VNN2: variants seen among roughly 807,000 people sequenced by gnomAD.
The protein encoded by VNN2 is vanin 2.
Under a neutral mutation model 43.0 loss-of-function variants are expected in VNN2, and 43 were observed. That is an observed-to-expected ratio of 1.00 (90% CI 0.78 to 1.29). The LOEUF (loss-of-function observed/expected upper bound fraction) is 1.29. VNN2 is among the 50% of genes most tolerant of loss of function. The pLI is 0.00. For missense variants in VNN2, 652 were observed against 619.7 expected (o/e 1.05, Z -0.55); for synonymous variants, 230 against 224.3 (o/e 1.03, Z -0.23).
Position 132,757,869 on chromosome 6 carries a change from A to G in VNN2, c.15T>C (p.Ser5=). ...CAAAAACTGCCACAGAGATTGGAAA[A>G]GAGGAAGTGACCATGGCCAAGGTTT... is the stretch of plus-strand genomic sequence containing the variant. MVTS[S]FPISVAVFAL... The change falls in exon 1 of 7, where the codon TCT becomes TCC. Residue 5 remains serine (S), a synonymous_variant. Coordinates refer to ENST00000326499, the MANE Select transcript of VNN2 (RefSeq NM_004665.6). 1 of 1,613,788 alleles carries G rather than the reference A, an allele frequency of 6.2e-7. No homozygotes were observed. Among genetic ancestry groups the G allele is most frequent in the South Asian group, 1.1e-5 (1 of 91,076 alleles).
chr6:132,762,645 T>A (rs1780764802), upstream of VNN2, among the ~76,000 whole-genome samples: 1 of 152,186 alleles, frequency 6.6e-6, no homozygotes, highest in Non-Finnish European at 1.5e-5. Flanking sequence ...GATGAGGTAA[T>A]CTTCCAGCTT....
In VNN2 at chr6:132,744,326, C is replaced by A. The variant is rs769897208; in HGVS notation, c.1537G>T (p.Ala513Ser). Residue 513 changes from alanine (A) to serine (S), a missense_variant, in exon 7 of 7, where the codon GCT becomes TCT. Ala to Ser is a moderately conservative substitution (Grantham distance 99). Transcript: ENST00000326499. The stretch of plus-strand genomic sequence containing the variant: ...TATAACATTACAATATTTTGCAAAG[C>A]TATGATCATTAATAATATGAATATT... ...LLIFILLMII[A>S]LQNIVML is the part of the protein sequence containing the mutation. 2 of 1,612,706 alleles carry A rather than the reference C, an allele frequency of 1.2e-6. No homozygotes were observed. The highest frequency in any genetic ancestry group is 8.5e-7 in the Non-Finnish European group (1 of 1,179,614).
chr6:132,751,511 A>G lies in VNN2; in HGVS notation c.834T>C (p.Gly278=), dbSNP rs1883617. Reference sequence around the variant, plus strand: ...CTTTGGGACCATTTGGTGCATAAATACCACTTCCTGTGAATGAAAGACAAG... The same window carrying G: ...CTTTGGGACCATTTGGTGCATAAATGCCACTTCCTGTGAATGAAAGACAAG... The part of the protein sequence containing the change: ...HHVSLNMTGS[G]IYAPNGPKVY... Residue 278 remains glycine (G), a synonymous_variant, in exon 5 of 7, where the codon GGT becomes GGC. Transcript: ENST00000326499. 538,308 of 1,602,210 alleles carry G rather than the reference A, an allele frequency of 0.34. 91,606 individuals carry two copies. The highest frequency in any genetic ancestry group is 0.43 in the Middle Eastern group (2,557 of 6,002).
At chr6:132,759,450 A>AAAAAAC (rs1554219847), upstream of VNN2, among the ~76,000 whole-genome samples, 7 of 151,210 alleles carry the variant, frequency 4.6e-5, no homozygotes, top group Admixed American at 4.6e-4. Flanking sequence ...AAAAAAAAAA[A>AAAAAAC]AAAAAAAAAA....
upstream of VNN2, among the ~76,000 whole-genome samples, chr6:132,762,368 C>A (rs1780758570): frequency 6.6e-6 from 1 of 152,162 alleles, no homozygotes; most frequent in Non-Finnish European, 1.5e-5. Flanking sequence ...GCAAGGGTGA[C>A]ACGTCAAAAT....
upstream of VNN2, chr6:132,760,640 A>T (rs1168696169): frequency 6.6e-6 from 1 of 151,858 alleles, no homozygotes. Flanking sequence ...ACCTTCATTG[A>T]TCTAGTATCA....
chr6:132,761,073 T>C (rs573854971), upstream of VNN2, among the ~76,000 whole-genome samples: 40 of 152,324 alleles, frequency 2.6e-4, no homozygotes, highest in African/African-American at 9.4e-4. Context: ...GTAGAGGTCA[T>C]TGATATTGTT....
At position 132,755,884 on chromosome 6, in the gene VNN2, C is replaced by G; in HGVS notation, c.496G>C (p.Val166Leu). 1 of 1,613,888 alleles carries G rather than the reference C, an allele frequency of 6.2e-7. No individual in the cohort carries two copies. Residue 166 changes from valine to leucine, a missense_variant, in exon 3 of 7, where the codon GTG becomes CTG. Coordinates refer to ENST00000326499, the MANE Select transcript of VNN2 (RefSeq NM_004665.6). Reference sequence around the variant, plus strand: ...ACGAGTTTTCCTTCTGTATTATACACCACATTGGTATTGTATTGAAAGTAG... The same window carrying G: ...ACGAGTTTTCCTTCTGTATTATACAGCACATTGGTATTGTATTGAAAGTAG... ...NGYFQYNTNV[V>L]YNTEGKLVAR...
At chr6:132,757,626 C>A in intron 1 of VNN2, 45 bp downstream of exon 1, 1 of 1,608,694 alleles carries the variant, frequency 6.2e-7, no homozygotes. Flanking sequence ...CCACCAGCTC[C>A]CATGCCCCTC....
At chr6:132,756,674 ATTCCTCG>A (rs371895396) in intron 2 of VNN2, among the ~76,000 whole-genome samples, 1 of 152,250 alleles carries the variant, frequency 6.6e-6, no homozygotes, top group East Asian at 1.9e-4. Context: ...TCTTCTGCTG[ATTCCTCG>A]TTTTCTTCCG....
intron 6 of VNN2, among the ~76,000 whole-genome samples, chr6:132,746,101 T>C (rs1779698847): frequency 6.6e-6 from 1 of 152,188 alleles, no homozygotes; most frequent in African/African-American, 2.4e-5. Flanking sequence ...AGTAGGAAAT[T>C]CAGAGGTTAA....
upstream of VNN2, among the ~76,000 whole-genome samples, chr6:132,759,903 T>A (rs1174723216): frequency 1.3e-5 from 2 of 152,226 alleles, no homozygotes; most frequent in Non-Finnish European, 2.9e-5. Context: ...AACCATACTA[T>A]CTAGTGTATA....
Position 132,757,689 on chromosome 6 carries a change from G to A in VNN2, c.195C>T (p.Ile65=), listed in dbSNP as rs1382746720. The A allele has an allele frequency of 1.2e-6, 2 of 1,614,030 alleles. No individual in the cohort carries two copies. Among genetic ancestry groups the A allele is most frequent in the East Asian group, 2.2e-5 (1 of 44,892 alleles). Residue 65 remains isoleucine, a synonymous_variant, in exon 1 of 7, where the codon ATC becomes ATT. Transcript: ENST00000326499. The part of the protein sequence containing the change: ...NENIDILETA[I]KQAAEQGARI... The stretch of plus-strand genomic sequence containing the variant: ...AGAATACCTGCTCAGCTGCCTGCTT[G>A]ATCGCTGTCTCCAGAATGTCTATAT...
At position 132,749,859 on chromosome 6, in the gene VNN2, T is replaced by G. The variant is rs773025551; in HGVS notation, c.1207A>C (p.Thr403Pro). 4.3e-6 allele frequency: 7 copies of G among 1,613,448 alleles called. No individual in the cohort carries two copies. Among genetic ancestry groups the G allele is most frequent in the Non-Finnish European group, 5.1e-6 (6 of 1,179,794 alleles). Residue 403 changes from threonine to proline, a missense_variant, in exon 6 of 7, where the codon ACA becomes CCA. Transcript: ENST00000326499. ...TTAGTAGTTTTGCACTTCAGCAGTG[T>G]GCAGACCTATGTGGAACAAACGCAG... ...RRRREYWQVC[T>P]LLKCKTTNLT...
In VNN2 at chr6:132,748,232, T is replaced by A. The variant is rs1779839225; in HGVS notation, c.1371+1463A>T. On this transcript the variant is annotated intron_variant, in intron 6 of 6. Coordinates refer to ENST00000326499, the MANE Select transcript of VNN2 (RefSeq NM_004665.6). Reference sequence around the variant, plus strand: ...TCCAGCCACCTTTTAGCTACTGGATTTTAGCCCCAGACTCCTTGCTGTAGA... The same window carrying A: ...TCCAGCCACCTTTTAGCTACTGGATATTAGCCCCAGACTCCTTGCTGTAGA... Among the ~76,000 whole-genome samples the A allele has an allele frequency of 2.0e-5, 3 of 152,188 alleles. No individual in the cohort carries two copies. In the South Asian group the frequency reaches 6.2e-4, roughly 31 times the overall value.
upstream of VNN2, among the ~76,000 whole-genome samples, chr6:132,761,632 C>G (rs1780742037): frequency 6.6e-6 from 1 of 152,072 alleles, no homozygotes; most frequent in Non-Finnish European, 1.5e-5. Context: ...TGCACTCCAG[C>G]CTGCGTGACA....
chr6:132,751,017 G>A, intron 5 of VNN2, 128 bp downstream of exon 5: 1 of 1,079,584 alleles, frequency 9.3e-7, no homozygotes, highest in Non-Finnish European at 1.3e-6. Context: ...TGTGTTGTGT[G>A]TGTGTGTGTT....
intron 6 of VNN2, among the ~76,000 whole-genome samples, chr6:132,745,752 A>C (rs1346141239): frequency 6.6e-6 from 1 of 152,240 alleles, no homozygotes; most frequent in African/African-American, 2.4e-5. Context: ...GCCTGAAGCC[A>C]CAGTGGAGTT....
chr6:132,754,438 G>A (rs1780332838), intron 3 of VNN2, among the ~76,000 whole-genome samples: 1 of 152,120 alleles, frequency 6.6e-6, no homozygotes, highest in Non-Finnish European at 1.5e-5. Context: ...TTTTCCAATA[G>A]GGGTCCATGA....
Sources: allele counts gnomAD v4.1 joint callset (sites outside exome capture counted in the v4.1 genomes callset), GRCh38; gene constraint gnomAD v4.1.1; transcripts MANE v1.5; gene names NCBI Gene and HGNC (gene_info 2026-07-23, HGNC 2026-07-21).